The following MRPL4 variants were observed in gnomAD, a reference collection of about 807,000 sequenced individuals.
MRPL4 encodes large ribosomal subunit protein uL4m.
A neutral mutation model predicts 34.1 loss-of-function variants in MRPL4; 34 were observed. The observed-to-expected ratio is 1.00, with a 90% CI of 0.76 to 1.33. MRPL4 has a LOEUF of 1.33. Ranked by LOEUF, MRPL4 falls within the 40% of genes most tolerant of loss-of-function variation. The pLI is 0.00. For missense variants in MRPL4, 402 were observed against 434.6 expected (o/e 0.92, Z 0.67); for synonymous variants, 196 against 188.3 (o/e 1.04, Z -0.33).
In MRPL4 at chr19:10,259,597, C is replaced by G; in HGVS notation, c.740-20C>G. ...CCCCGGCCTGACCGGCCCCCCGCCC[C>G]GCCCCCACCCCGCCCCCAGGCCTAA... On this transcript the variant is annotated intron_variant, in intron 8 of 8. Coordinates refer to ENST00000253099, the MANE Select transcript of MRPL4 (RefSeq NM_015956.3). 11 of 1,474,432 alleles carry G rather than the reference C, an allele frequency of 7.5e-6. No individual in the cohort carries two copies. Among genetic ancestry groups the G allele is most frequent in the Non-Finnish European group, 8.9e-6 (10 of 1,120,918 alleles). 91.3% of individuals were successfully genotyped at this position (1,474,432 alleles called of 1,614,324 possible).
In MRPL4 at chr19:10,254,932, G is replaced by A. The variant is rs151061934; in HGVS notation, c.327+292G>A. The A allele has an allele frequency of 3.0e-3, 698 of 233,602 alleles. 3 individuals are homozygous for A. The highest frequency in any genetic ancestry group is 0.015 in the African/African-American group (660 of 43,816). The allele number at this position is 233,602 out of a possible 1,614,324, so 14.5% of individuals were successfully genotyped here. A position where few individuals can be genotyped will look rare whatever the true frequency, so the allele number is the denominator to read the frequency against. On this transcript the variant is annotated intron_variant, in intron 4 of 8. Transcript: ENST00000253099. ...CGATTCTCCTGCCTCTGCCTCCTGA[G>A]TAGCTGGGATTACAGGTGTGCACCA...
At chr19:10,259,521 C>T in intron 8 of MRPL4, 96 bp from the exon 9 acceptor site, 2 of 1,516,612 alleles carry the variant, frequency 1.3e-6, no homozygotes, top group Non-Finnish European at 1.8e-6. Context: ...CAGTGACGAT[C>T]TCTGTAAGCA....
In MRPL4 at chr19:10,254,581, C is replaced by T. The variant is rs760137666; in HGVS notation, c.276-8C>T. The T allele has an allele frequency of 1.4e-5, 23 of 1,613,320 alleles. No homozygotes were observed. Among genetic ancestry groups the T allele is most frequent in the South Asian group, 2.2e-5 (2 of 91,044 alleles). ...GTTGGGCTTCTCATGTGTCCTTCCT[C>T]CCCGCAGGCTGGACATACTGCACCA... is the stretch of plus-strand genomic sequence containing the variant. On this transcript the variant is annotated splice_region_variant and splice_polypyrimidine_tract_variant and intron_variant, in intron 3 of 8. Coordinates refer to ENST00000253099, the MANE Select transcript of MRPL4 (RefSeq NM_015956.3).
intron 3 of MRPL4, among the ~76,000 whole-genome samples, chr19:10,254,308 C>T (rs2039827668): frequency 6.6e-6 from 1 of 152,196 alleles, no homozygotes; most frequent in Non-Finnish European, 1.5e-5. Flanking sequence ...TGAGCCACTG[C>T]ACCTGGTCAG....
intron 3 of MRPL4, among the ~76,000 whole-genome samples, chr19:10,253,740 C>CAA (rs2039821854): frequency 6.6e-6 from 1 of 151,118 alleles, no homozygotes; most frequent in Non-Finnish European, 1.5e-5. Context: ...TGCAGTGAGC[C>CAA]GTGATTATAC....
chr19:10,259,602 C>T lies in MRPL4; in HGVS notation c.740-15C>T. The T allele has an allele frequency of 6.6e-7, 1 of 1,503,826 alleles. No homozygotes were observed. Among genetic ancestry groups the T allele is most frequent in the Non-Finnish European group, 8.8e-7 (1 of 1,134,662 alleles). The allele number at this position is 1,503,826 out of a possible 1,614,324, so 93.2% of individuals were successfully genotyped here. On this transcript the variant is annotated splice_polypyrimidine_tract_variant and intron_variant, in intron 8 of 8. Coordinates refer to ENST00000253099, the MANE Select transcript of MRPL4 (RefSeq NM_015956.3). ...GCCTGACCGGCCCCCCGCCCCGCCC[C>T]CACCCCGCCCCCAGGCCTAAATGTG...
At chr19:10,252,163 T>G (rs969748874), upstream of MRPL4, 10 of 1,404,318 alleles carry the variant, frequency 7.1e-6, no homozygotes, top group Admixed American at 2.9e-5. Context: ...TCGCGGCGGG[T>G]AGGGCGGCGT....
Position 10,256,843 on chromosome 19 carries a change from AG to A in MRPL4, c.445+23del. 2.1e-5 allele frequency: 1 copy of A among 48,168 alleles called. No individual in the cohort carries two copies. The highest frequency in any genetic ancestry group is 3.8e-5 in the Non-Finnish European group (1 of 26,344). The allele number at this position is 48,168 out of a possible 1,614,324, so 3.0% of individuals were successfully genotyped here. A position where few individuals can be genotyped will look rare whatever the true frequency, so the allele number is the denominator to read the frequency against. The stretch of plus-strand genomic sequence containing the variant: ...GCGAGGAGGTAACAGGACAGGGTGG[AG>A]GGGGCGGGGAGGGGTGGGGGGGCCA... On this transcript the variant is annotated intron_variant, in intron 5 of 8. Coordinates refer to ENST00000253099, the MANE Select transcript of MRPL4 (RefSeq NM_015956.3).
intron 4 of MRPL4, chr19:10,255,220 C>T (rs11668618): frequency 0.16 from 24,125 of 152,370 alleles, 2,137 homozygotes; most frequent in Non-Finnish European, 0.2. Flanking sequence ...GTGGCTCAGG[C>T]CTGTAATCCC....
At position 10,256,819 on chromosome 19, in the gene MRPL4, C is replaced by A; in HGVS notation, c.439C>A (p.Arg147=). Reference sequence around the variant, plus strand: ...TGGCAGCATCCGCTCTCCGCTCTGGCGAGGAGGTAACAGGACAGGGTGGAG... The same window carrying A: ...TGGCAGCATCCGCTCTCCGCTCTGGAGAGGAGGTAACAGGACAGGGTGGAG... ...RHGSIRSPLW[R]GGGVAHGPRG... Residue 147 remains arginine, a synonymous_variant, in exon 5 of 9, where the codon CGA becomes AGA. Transcript: ENST00000253099. The A allele has an allele frequency of 9.8e-7, 1 of 1,025,552 alleles. No homozygotes were observed. The highest frequency in any genetic ancestry group is 1.8e-5 in the South Asian group (1 of 56,550). 63.5% of individuals were successfully genotyped at this position (1,025,552 alleles called of 1,614,324 possible).
intron 2 of MRPL4, 25 bp downstream of exon 2, chr19:10,252,488 G>A: frequency 6.2e-7 from 1 of 1,613,958 alleles, no homozygotes; most frequent in Non-Finnish European, 8.5e-7. Context: ...GTGGCTCCAG[G>A]AGGGGCGGCG....
intron 5 of MRPL4, among the ~76,000 whole-genome samples, chr19:10,257,690 C>T (rs568546658): frequency 2.5e-4 from 38 of 152,106 alleles, no homozygotes; most frequent in African/African-American, 8.9e-4. Flanking sequence ...CTGATGCCTT[C>T]CTCTCCCGCT....
intron 8 of MRPL4, chr19:10,258,912 G>A: frequency 6.9e-7 from 1 of 1,446,096 alleles, no homozygotes; most frequent in Non-Finnish European, 9.1e-7. Flanking sequence ...AAGGCAGTCT[G>A]GGCAATATAG....
chr19:10,255,757 TC>T (rs1411185478), intron 4 of MRPL4: 3 of 152,706 alleles, frequency 2.0e-5, no homozygotes, highest in Non-Finnish European at 4.4e-5. Flanking sequence ...TCTGAGTTCT[TC>T]CTGATTTCCT....
chr19:10,252,785 C>T (rs1042899166), intron 3 of MRPL4, 84 bp downstream of exon 3: 3 of 1,510,198 alleles, frequency 2.0e-6, no homozygotes, highest in South Asian at 2.5e-5. Context: ...TGGGCTTGTA[C>T]CCTTGGGAAA....
Position 10,252,229 on chromosome 19 carries a change from C to A in MRPL4, c.-25C>A. 1 of 1,585,420 alleles carries A rather than the reference C, an allele frequency of 6.3e-7. No individual in the cohort carries two copies. The highest frequency in any genetic ancestry group is 8.6e-7 in the Non-Finnish European group (1 of 1,168,716). The stretch of plus-strand genomic sequence containing the variant: ...GCGAGGCTCCAGTGGCCTTGACCTC[C>A]CGCGGCGTGGGAGGCTGCGCGGCGA... On this transcript the variant is annotated 5_prime_UTR_variant, in exon 1 of 9. Transcript: ENST00000253099.
intron 4 of MRPL4, 115 bp downstream of exon 4, chr19:10,254,755 T>G: frequency 9.2e-7 from 1 of 1,088,828 alleles, no homozygotes; most frequent in East Asian, 2.5e-5. Context: ...TGGGGCCTCA[T>G]CTGTCTCCTG....
In MRPL4 at chr19:10,258,297, T is replaced by G. The variant is rs776275203; in HGVS notation, c.521T>G (p.Leu174Arg). ...MLPMKVRALG[L>R]KVALTVKLAQ... ...CCCATGAAGGTGCGGGCGCTGGGTC[T>G]CAAAGTGGCACTGACCGTCAAGCTG... Residue 174 changes from leucine (L) to arginine (R), a missense_variant, in exon 6 of 9, where the codon CTC becomes CGC. Coordinates refer to ENST00000253099, the MANE Select transcript of MRPL4 (RefSeq NM_015956.3). 7.4e-6 allele frequency: 12 copies of G among 1,613,956 alleles called. No homozygotes were observed. Among genetic ancestry groups the G allele is most frequent in the African/African-American group, 1.3e-5 (1 of 74,896 alleles).
chr19:10,258,914 G>T, intron 8 of MRPL4: 1 of 1,444,650 alleles, frequency 6.9e-7, no homozygotes, highest in South Asian at 1.4e-5. Flanking sequence ...GGCAGTCTGG[G>T]CAATATAGTG....
Sources: gnomAD v4.1 joint callset for allele counts (sites outside exome capture counted in the v4.1 genomes callset) on GRCh38, gnomAD v4.1.1 for gene constraint, MANE v1.5 for transcripts, NCBI Gene and HGNC (gene_info 2026-07-23, HGNC 2026-07-21) for gene names.